The following LINGO2 variants were observed in gnomAD, a reference collection of about 807,000 sequenced individuals.
The protein encoded by LINGO2 is leucine rich repeat and Ig domain containing 2.
LINGO2 carries 14 observed loss-of-function variants against 30.6 expected under a neutral mutation model. That is an observed-to-expected ratio of 0.46 (90% CI 0.30 to 0.72). The LOEUF is 0.72. LINGO2 is among the 30% of genes least tolerant of loss of function. LINGO2 has a pLI of 0.07. For missense variants in LINGO2, 729 were observed against 751.7 expected (o/e 0.97, Z 0.35); for synonymous variants, 317 against 288.5 (o/e 1.10, Z -1.00).
chr9:28,339,052 C>T (rs1052542395), intron 3 of LINGO2, among the ~76,000 whole-genome samples: 52 of 152,250 alleles, frequency 3.4e-4, no homozygotes, highest in Non-Finnish European at 6.9e-4. Context: ...GCTCTCTAAG[C>T]ATGAAATACC....
chr9:27,951,626 G>A (rs1203533652), intron 5 of LINGO2, among the ~76,000 whole-genome samples: 1 of 152,106 alleles, frequency 6.6e-6, no homozygotes, highest in Non-Finnish European at 1.5e-5. Flanking sequence ...AATGTGGATA[G>A]TTTAGCAGAT....
At chr9:28,817,233 A>G in the LINGO2 span, among the ~76,000 whole-genome samples, 2 of 123,764 alleles carry the variant, frequency 1.6e-5, no homozygotes, top group African/African-American at 5.2e-5. Context: ...GATTTGACTT[A>G]AGATAAAAAA....
At chr9:28,761,321 A>C in the LINGO2 span, among the ~76,000 whole-genome samples, 533 of 152,062 alleles carry the variant, frequency 3.5e-3, 10 homozygotes, top group African/African-American at 0.012. Context: ...TACAGATAAC[A>C]ATCATTTTGT....
the LINGO2 span, among the ~76,000 whole-genome samples, chr9:29,001,443 T>C: frequency 6.6e-6 from 1 of 152,014 alleles, no homozygotes; most frequent in Non-Finnish European, 1.5e-5. Flanking sequence ...ACCACACTGC[T>C]CACTGCATAG....
intron 3 of LINGO2, among the ~76,000 whole-genome samples, chr9:28,321,645 T>C (rs887857231): frequency 6.6e-6 from 1 of 152,166 alleles, no homozygotes; most frequent in Non-Finnish European, 1.5e-5. Context: ...AGTGCTATAA[T>C]AGGGCCAAGA....
At chr9:28,355,360 CCTCTGT>C (rs1209283467) in intron 3 of LINGO2, among the ~76,000 whole-genome samples, 1 of 85,650 alleles carries the variant, frequency 1.2e-5, no homozygotes, top group Non-Finnish European at 2.2e-5. Flanking sequence ...TCTCTCCCTC[CCTCTGT>C]GTGTGTGTGT....
chr9:28,190,126 G>GT (rs745519903), intron 4 of LINGO2, among the ~76,000 whole-genome samples: 93 of 152,228 alleles, frequency 6.1e-4, no homozygotes, highest in Middle Eastern at 3.4e-3. Context: ...ACATTTTCAA[G>GT]TTTCCTTAGC....
intron 4 of LINGO2, among the ~76,000 whole-genome samples, chr9:28,068,467 C>T (rs558095255): frequency 1.4e-4 from 22 of 152,170 alleles, no homozygotes; most frequent in African/African-American, 5.3e-4. Context: ...CTCTCAAAGT[C>T]CCCATCTCCA....
chr9:28,434,383 C>T (rs1823829015), intron 2 of LINGO2, among the ~76,000 whole-genome samples: 1 of 150,918 alleles, frequency 6.6e-6, no homozygotes, highest in South Asian at 2.1e-4. Flanking sequence ...CTCCAAAATA[C>T]TGAGAACATT....
the LINGO2 span, among the ~76,000 whole-genome samples, chr9:28,921,782 G>T: frequency 6.6e-6 from 1 of 152,170 alleles, no homozygotes; most frequent in Non-Finnish European, 1.5e-5. Flanking sequence ...CATTTATAAG[G>T]ATGGTATCAA....
chr9:28,550,667 A>T (rs1415557986), intron 1 of LINGO2, among the ~76,000 whole-genome samples: 1 of 151,848 alleles, frequency 6.6e-6, no homozygotes, highest in Non-Finnish European at 1.5e-5. Context: ...TTTGAATATT[A>T]AAAACACTCT....
At chr9:27,978,881 G>A (rs565117808) in intron 5 of LINGO2, among the ~76,000 whole-genome samples, 1 of 152,086 alleles carries the variant, frequency 6.6e-6, no homozygotes, top group Admixed American at 6.6e-5. Flanking sequence ...TTGGACCATC[G>A]GATTGATATC....
chr9:28,048,375 G>A (rs1824519265), intron 4 of LINGO2, among the ~76,000 whole-genome samples: 1 of 150,686 alleles, frequency 6.6e-6, no homozygotes, highest in African/African-American at 2.5e-5. Flanking sequence ...AAAAAGCTGG[G>A]TAAGCCAATG....
chr9:28,563,499 G>A (rs143357064), intron 1 of LINGO2, among the ~76,000 whole-genome samples: 8 of 152,178 alleles, frequency 5.3e-5, no homozygotes, highest in Non-Finnish European at 1.0e-4. Context: ...AGTCCAATTT[G>A]CTTGCATTAT....
the LINGO2 span, among the ~76,000 whole-genome samples, chr9:28,788,104 T>G: frequency 2.6e-5 from 4 of 152,138 alleles, no homozygotes; most frequent in Non-Finnish European, 5.9e-5. Flanking sequence ...TAAGATAAAG[T>G]GAAAAGATAT....
chr9:28,785,838 G>A, the LINGO2 span, among the ~76,000 whole-genome samples: 3 of 152,108 alleles, frequency 2.0e-5, no homozygotes, highest in African/African-American at 7.2e-5. Context: ...GGAACAAAAG[G>A]GACTTATATT....
the LINGO2 span, among the ~76,000 whole-genome samples, chr9:28,836,458 G>T: frequency 5.2e-3 from 792 of 152,068 alleles, 6 homozygotes; most frequent in African/African-American, 0.018. Flanking sequence ...AGGATTACAG[G>T]CATGCACCAC....
chr9:28,046,214 G>T (rs539879991), intron 4 of LINGO2, among the ~76,000 whole-genome samples: 17 of 152,264 alleles, frequency 1.1e-4, no homozygotes, highest in African/African-American at 4.1e-4. Context: ...GATTGATATT[G>T]CATTGAATGC....
At chr9:28,301,979 G>A (rs35748229) in intron 3 of LINGO2, among the ~76,000 whole-genome samples, 22,791 of 152,090 alleles carry the variant, frequency 0.15, 2,225 homozygotes, top group Non-Finnish European at 0.21. Flanking sequence ...GCCAAACTAA[G>A]CTTCCTCTGT....
Sources: gnomAD v4.1 joint callset for allele counts (sites outside exome capture counted in the v4.1 genomes callset) on GRCh38, gnomAD v4.1.1 for gene constraint, MANE v1.5 for transcripts, NCBI Gene and HGNC (gene_info 2026-07-23, HGNC 2026-07-21) for gene names.